Variants in SUCLA2 observed in about 807,000 individuals in gnomAD.
SUCLA2 encodes the protein succinate-CoA ligase ADP-forming subunit beta.
A neutral mutation model predicts 54.8 loss-of-function variants in SUCLA2; 30 were observed. The observed-to-expected ratio is 0.55, with a 90% CI of 0.41 to 0.74. SUCLA2 has a LOEUF of 0.74. Ranked by LOEUF, SUCLA2 falls within the 30% of genes least tolerant of loss-of-function variation. The pLI, the probability that SUCLA2 is intolerant of heterozygous loss-of-function variation, is 0.00. For synonymous variants in SUCLA2, 172 were observed against 188.9 expected (o/e 0.91, Z 0.74); for missense variants, 476 against 562.9 (o/e 0.85, Z 1.56).
intron 6 of SUCLA2, among the ~76,000 whole-genome samples, chr13:47,957,272 C>T (rs1017697638): frequency 1.1e-4 from 17 of 152,160 alleles, no homozygotes; most frequent in African/African-American, 4.1e-4. Flanking sequence ...CTGCAGCACC[C>T]GATTAAAGCC....
intron 5 of SUCLA2, among the ~76,000 whole-genome samples, chr13:47,970,107 C>G (rs1005035125): frequency 9.8e-5 from 7 of 71,736 alleles, no homozygotes; most frequent in African/African-American, 1.7e-4. Context: ...GTCTCCCCCC[C>G]ACAAAAAAAA....
chr13:47,970,836 G>T (rs1359000188), intron 5 of SUCLA2, among the ~76,000 whole-genome samples: 1 of 151,922 alleles, frequency 6.6e-6, no homozygotes, highest in South Asian at 2.1e-4. Flanking sequence ...CTCCAGTCTG[G>T]GCAACAGAGC....
chr13:47,974,349 G>A (rs1293142689), intron 4 of SUCLA2, among the ~76,000 whole-genome samples: 1 of 152,162 alleles, frequency 6.6e-6, no homozygotes, highest in African/African-American at 2.4e-5. Flanking sequence ...ACTTCGGGAC[G>A]CCAAGGCAGA....
chr13:47,975,914 A>C (rs1950008277), intron 4 of SUCLA2, among the ~76,000 whole-genome samples: 1 of 152,168 alleles, frequency 6.6e-6, no homozygotes, highest in Non-Finnish European at 1.5e-5. Context: ...TCTGCATAGA[A>C]GAAATGGGCT....
rs561162365 is a variant in SUCLA2 at position 47,954,013 on chromosome 13, G to T, written c.1107+127C>A. The T allele has an allele frequency of 5.1e-3, 4,500 of 875,984 alleles. 16 individuals carry two copies. The highest frequency in any genetic ancestry group is 6.2e-3 in the Non-Finnish European group (4,072 of 656,740). 54.3% of individuals were successfully genotyped at this position (875,984 alleles called of 1,614,324 possible). A position where few individuals can be genotyped will look rare whatever the true frequency, so the allele number is the denominator to read the frequency against. ...TCTTCAAGATATGATAGCAAAAAAA[G>T]ACTCAAAATATATATTAAAAGACAT... On this transcript the variant is annotated intron_variant, in intron 8 of 10. Transcript: ENST00000646932.
chr13:47,963,665 A>T (rs1338713715), intron 6 of SUCLA2, among the ~76,000 whole-genome samples: 1 of 152,174 alleles, frequency 6.6e-6, no homozygotes, highest in Non-Finnish European at 1.5e-5. Flanking sequence ...AACAAAAAAA[A>T]AAACAGACAT....
At chr13:47,993,400 C>G (rs562881456) in intron 2 of SUCLA2, among the ~76,000 whole-genome samples, 6 of 152,198 alleles carry the variant, frequency 3.9e-5, no homozygotes, top group African/African-American at 1.4e-4. Context: ...ACTTCATGAT[C>G]TTCAAGCTCA....
At chr13:47,999,562 C>G (rs1248323688) in intron 1 of SUCLA2, among the ~76,000 whole-genome samples, 1 of 152,070 alleles carries the variant, frequency 6.6e-6, no homozygotes, top group Non-Finnish European at 1.5e-5. Flanking sequence ...AAAAAATTAG[C>G]CGGACGTGGT....
At position 47,961,967 on chromosome 13, in the gene SUCLA2, C is replaced by T. The variant is rs185624713; in HGVS notation, c.802+6628G>A. ...TTCTAAAAACTTTGCAGTTTGTGCC[C>T]CTGGATTAGAGAGACCTTTCAGGAC... On this transcript the variant is annotated intron_variant, in intron 6 of 10. Coordinates refer to ENST00000646932, the MANE Select transcript of SUCLA2 (RefSeq NM_003850.3). Among the ~76,000 whole-genome samples, 755 of 152,164 alleles carry T rather than the reference C, an allele frequency of 5.0e-3. 4 individuals carry two copies. The highest frequency in any genetic ancestry group is 7.0e-3 in the Admixed American group (107 of 15,272).
intron 10 of SUCLA2, among the ~76,000 whole-genome samples, chr13:47,945,051 A>T (rs908818024): frequency 6.6e-6 from 1 of 151,988 alleles, no homozygotes; most frequent in Non-Finnish European, 1.5e-5. Flanking sequence ...GGGGTTCAAG[A>T]CCAGCCTGAC....
At chr13:47,971,975 A>G in intron 5 of SUCLA2, 2 of 397,466 alleles carry the variant, frequency 5.0e-6, no homozygotes, top group Non-Finnish European at 4.4e-6. Context: ...AAGGGACCGG[A>G]CGCGGTGGCT....
intron 4 of SUCLA2, among the ~76,000 whole-genome samples, chr13:47,977,801 C>A (rs1950029013): frequency 6.6e-6 from 1 of 152,014 alleles, no homozygotes; most frequent in Non-Finnish European, 1.5e-5. Context: ...AACTCATAGC[C>A]AACATCATAC....
rs1394962801 is a variant in SUCLA2 at position 47,959,022 on chromosome 13, G to A, written c.803-4465C>T. Among the ~76,000 whole-genome samples the A allele has an allele frequency of 5.3e-5, 8 of 152,122 alleles. No homozygotes were observed. The East Asian group carries it at 7.7e-4, about 15-fold the overall frequency. On this transcript the variant is annotated intron_variant, in intron 6 of 10. Coordinates refer to ENST00000646932, the MANE Select transcript of SUCLA2 (RefSeq NM_003850.3). ...AAAGGGTTGTGATATAGGGAAATAC[G>A]TTTCTAAAAATTGTGGAACTGTTCT...
At chr13:47,979,790 G>C (rs1053992488) in intron 4 of SUCLA2, among the ~76,000 whole-genome samples, 1 of 152,044 alleles carries the variant, frequency 6.6e-6, no homozygotes, top group African/African-American at 2.4e-5. Context: ...CAGAAAACAG[G>C]TAAGAAAAAT....
At chr13:47,995,769 A>G (rs115972386) in intron 2 of SUCLA2, among the ~76,000 whole-genome samples, 193 of 152,326 alleles carry the variant, frequency 1.3e-3, no homozygotes, top group African/African-American at 4.3e-3. Context: ...TGCAGTGTAT[A>G]GCTAGTACAT....
Position 47,943,147 on chromosome 13 carries a change from C to T in SUCLA2, c.*224G>A. The T allele has an allele frequency of 2.0e-6, 1 of 501,610 alleles. No homozygotes were observed. Among genetic ancestry groups the T allele is most frequent in the Non-Finnish European group, 3.6e-6 (1 of 280,762 alleles). 31.1% of individuals were successfully genotyped at this position (501,610 alleles called of 1,614,324 possible). ...TTGTAGGAGAAGCAAAAAAGACTGG[C>T]TGCGACAAAAGAAAGAAGATAACTG... On this transcript the variant is annotated 3_prime_UTR_variant, in exon 11 of 11. Transcript: ENST00000646932.
chr13:47,968,071 A>G (rs1949933950), intron 6 of SUCLA2, among the ~76,000 whole-genome samples: 1 of 152,212 alleles, frequency 6.6e-6, no homozygotes, highest in African/African-American at 2.4e-5. Context: ...AAATGTATAT[A>G]GTATGCAATC....
At chr13:47,975,196 T>TGTCACCCAGGCTGGA (rs1950001894) in intron 4 of SUCLA2, among the ~76,000 whole-genome samples, 1 of 151,674 alleles carries the variant, frequency 6.6e-6, no homozygotes, top group African/African-American at 2.4e-5. Flanking sequence ...AGTGTCGTTC[T>TGTCACCCAGGCTGGA]GTCACCCAGG....
At chr13:47,973,817 T>A (rs1357888094) in intron 4 of SUCLA2, among the ~76,000 whole-genome samples, 3 of 152,264 alleles carry the variant, frequency 2.0e-5, no homozygotes, top group African/African-American at 7.2e-5. Flanking sequence ...GAAACTATCA[T>A]TCTCAACAAA....
Sources: gnomAD v4.1 joint callset for allele counts (sites outside exome capture counted in the v4.1 genomes callset) on GRCh38, gnomAD v4.1.1 for gene constraint, MANE v1.5 for transcripts, NCBI Gene and HGNC (gene_info 2026-07-23, HGNC 2026-07-21) for gene names.